TAL1: variants seen among roughly 807,000 people sequenced by gnomAD.
The protein encoded by TAL1 is T-cell acute lymphocytic leukemia protein 1.
In TAL1, 8 loss-of-function variants were observed where a neutral mutation model predicts 17.9. The observed-to-expected ratio is 0.45, with a 90% CI of 0.26 to 0.81. The LOEUF is 0.81. Ranked by LOEUF, TAL1 falls within the 30% of genes least tolerant of loss-of-function variation. The pLI is 0.17. For synonymous variants in TAL1, 223 were observed against 218.6 expected (o/e 1.02, Z -0.18); for missense variants, 466 against 486.9 (o/e 0.96, Z 0.40).
chr1:47,217,468 C>T, exon 4 of TAL1: 1 of 398,420 alleles, frequency 2.5e-6, no homozygotes. Context: ...AAGCGGTTTA[C>T]AATCTAAATT....
At chr1:47,219,897 G>GGCCCCC in exon 4 of TAL1, 1 of 1,506,196 alleles carries the variant, frequency 6.6e-7, no homozygotes, top group Non-Finnish European at 9.0e-7. Flanking sequence ...GGGGCGCGCC[G>GGCCCCC]CCCCCTCCCC....
chr1:47,224,136 T>G (rs375832399), intron 2 of TAL1, 38 bp from the exon 4 acceptor site: 1 of 1,601,146 alleles, frequency 6.2e-7, no homozygotes, highest in East Asian at 2.2e-5. Context: ...GATCCCATGT[T>G]GAGGGGAGGG....
intron 3 of TAL1, among the ~76,000 whole-genome samples, chr1:47,222,240 G>A (rs1168879807): frequency 6.6e-6 from 1 of 152,190 alleles, no homozygotes; most frequent in Non-Finnish European, 1.5e-5. Context: ...CATCCAGAAG[G>A]GGAGATGGTG....
At chr1:47,232,302 C>T (rs1644029988), upstream of TAL1, 1 of 151,328 alleles carries the variant, frequency 6.6e-6, no homozygotes, top group South Asian at 2.3e-4. Flanking sequence ...GCGCTGTAAT[C>T]CCACTCACGT....
intron 1 of TAL1, among the ~76,000 whole-genome samples, chr1:47,226,532 A>T (rs1276738441): frequency 6.6e-6 from 1 of 152,200 alleles, no homozygotes; most frequent in Non-Finnish European, 1.5e-5. Context: ...CCCTCCACAC[A>T]CACACACACA....
chr1:47,218,808 G>A (rs1569882627), exon 4 of TAL1: 1 of 234,782 alleles, frequency 4.3e-6, no homozygotes, highest in Non-Finnish European at 8.4e-6. Flanking sequence ...AGAATGCACA[G>A]ATGGGGCTGC....
chr1:47,227,693 A>G (rs1165848548), intron 1 of TAL1: 2 of 152,098 alleles, frequency 1.3e-5, no homozygotes, highest in African/African-American at 2.4e-5. Flanking sequence ...CTGACACTTC[A>G]TTGGAAGTGA....
intron 3 of TAL1, among the ~76,000 whole-genome samples, chr1:47,221,619 A>G (rs949598435): frequency 4.6e-5 from 7 of 152,178 alleles, no homozygotes; most frequent in Non-Finnish European, 8.8e-5. Flanking sequence ...GCACTGAAGG[A>G]ACTGCCAGTC....
intron 2 of TAL1, among the ~76,000 whole-genome samples, chr1:47,224,631 C>T (rs1479970472): frequency 1.3e-5 from 2 of 152,132 alleles, no homozygotes; most frequent in African/African-American, 4.8e-5. Flanking sequence ...ACACAACAGA[C>T]AGGAAACCCT....
At chr1:47,217,987 C>T (rs1309465845) in exon 4 of TAL1, 4 of 381,726 alleles carry the variant, frequency 1.0e-5, no homozygotes, top group Non-Finnish European at 1.9e-5. Flanking sequence ...GAGAATTGGA[C>T]CTTACTTAAA....
Position 47,222,575 on chromosome 1 carries a change from G to C in TAL1, c.541+1429C>G, listed in dbSNP as rs184174200. 2.3e-3 allele frequency among the ~76,000 whole-genome samples: 350 copies of C among 152,062 alleles called. 1 individual carries two copies. The highest frequency in any genetic ancestry group is 4.0e-3 in the Non-Finnish European group (270 of 67,960). On this transcript the variant is annotated intron_variant, in intron 3 of 3. Transcript: ENST00000294339. Reference sequence around the variant, plus strand: ...TTCTACTTCTATGGACTCTTTTTGGGTTCAATCTCTAATTTCAGTGTCCCC... The same window carrying C: ...TTCTACTTCTATGGACTCTTTTTGGCTTCAATCTCTAATTTCAGTGTCCCC...
upstream of TAL1, chr1:47,231,656 C>G (rs1206170780): frequency 8.5e-6 from 2 of 233,992 alleles, no homozygotes; most frequent in African/African-American, 4.4e-5. Context: ...CCCCCACACA[C>G]AGAATCAGAT....
At chr1:47,231,557 G>A (rs969381317), upstream of TAL1, 28 of 233,856 alleles carry the variant, frequency 1.2e-4, no homozygotes, top group African/African-American at 5.7e-4. Flanking sequence ...AAACGCAGCG[G>A]CTCACGGACA....
chr1:47,228,051 G>A (rs1173553780), intron 1 of TAL1: 3 of 152,790 alleles, frequency 2.0e-5, no homozygotes, highest in East Asian at 1.9e-4. Flanking sequence ...TGCTCTAGCG[G>A]TGGATTCCTG....
At chr1:47,216,580 C>T (rs142688548) in exon 4 of TAL1, 31 of 231,926 alleles carry the variant, frequency 1.3e-4, no homozygotes, top group Middle Eastern at 1.3e-3. Flanking sequence ...CAGAGGGTCA[C>T]GTACCATCGA....
At chr1:47,221,910 G>A (rs1643819044) in intron 3 of TAL1, among the ~76,000 whole-genome samples, 1 of 152,148 alleles carries the variant, frequency 6.6e-6, no homozygotes, top group African/African-American at 2.4e-5. Flanking sequence ...CACTTTTAAT[G>A]GGAAGGATCA....
upstream of TAL1, chr1:47,230,331 C>T (rs1310980177): frequency 6.6e-6 from 1 of 152,226 alleles, no homozygotes; most frequent in Non-Finnish European, 1.5e-5. Flanking sequence ...AATCGTCAGG[C>T]TTATGATCAC....
intron 1 of TAL1, among the ~76,000 whole-genome samples, chr1:47,226,839 G>C (rs1038593777): frequency 3.3e-5 from 5 of 152,206 alleles, no homozygotes; most frequent in Non-Finnish European, 7.3e-5. Flanking sequence ...AGCAGGACAG[G>C]ATGTCATGAG....
exon 4 of TAL1, chr1:47,216,589 G>A (rs1311756612): frequency 1.7e-5 from 4 of 231,886 alleles, no homozygotes; most frequent in East Asian, 1.2e-4. Context: ...ACGTACCATC[G>A]AAATCACAAG....
Sources: allele counts gnomAD v4.1 joint callset (sites outside exome capture counted in the v4.1 genomes callset), GRCh38; gene constraint gnomAD v4.1.1; transcripts MANE v1.5; gene names NCBI Gene and HGNC (gene_info 2026-07-23, HGNC 2026-07-21).